The following PDCD2L variants were observed in gnomAD, a reference collection of about 807,000 sequenced individuals.
PDCD2L encodes the protein uS5 assembly chaperone PDCD2L.
PDCD2L carries 44 observed loss-of-function variants against 40.4 expected under a neutral mutation model. That is an observed-to-expected ratio of 1.09 (90% CI 0.86 to 1.40). PDCD2L has a LOEUF of 1.40. Ranked by LOEUF, PDCD2L falls within the 40% of genes most tolerant of loss-of-function variation. The pLI is 0.00. For missense variants in PDCD2L, 470 were observed against 453.7 expected (o/e 1.04, Z -0.33); for synonymous variants, 194 against 174.6 (o/e 1.11, Z -0.88).
At chr19:34,409,765 G>A (rs2075093967) in intron 4 of PDCD2L, among the ~76,000 whole-genome samples, 1 of 152,196 alleles carries the variant, frequency 6.6e-6, no homozygotes, top group Non-Finnish European at 1.5e-5. Flanking sequence ...CGCGTTCACT[G>A]ACTCTTAAAT....
At position 34,409,450 on chromosome 19, in the gene PDCD2L, G is replaced by C; in HGVS notation, c.626G>C (p.Ser209Thr). ...RDFVNLDHAH[S>T]LLRDYQQREG... is the part of the protein sequence containing the mutation. ...TTTGTCAACCTGGATCATGCCCACA[G>C]CCTTCTGAGGGACTATCAGCAGAGA... Residue 209 changes from serine to threonine, a missense_variant, in exon 4 of 7, where the codon AGC becomes ACC. By Grantham distance (58) the Ser-to-Thr change is moderately conservative. Coordinates refer to ENST00000246535, the MANE Select transcript of PDCD2L (RefSeq NM_032346.2). The C allele has an allele frequency of 6.2e-7, 1 of 1,614,192 alleles. No homozygotes were observed. The highest frequency in any genetic ancestry group is 8.5e-7 in the Non-Finnish European group (1 of 1,180,034).
rs772775528 is a variant in PDCD2L, at chr19:34,416,170, C to G, written c.797+2323C>G. The stretch of plus-strand genomic sequence containing the variant: ...TCCCGACTTCTGGTGATCCACCCAC[C>G]TCAGCCTCTGAAAGTGCTGGGATGG... On this transcript the variant is annotated intron_variant, in intron 5 of 6. Coordinates refer to ENST00000246535, the MANE Select transcript of PDCD2L (RefSeq NM_032346.2). Among the ~76,000 whole-genome samples, 8 of 152,312 alleles carry G rather than the reference C, an allele frequency of 5.3e-5. No homozygotes were observed. In the East Asian group the frequency reaches 1.4e-3, roughly 26 times the overall value.
chr19:34,421,752 TATC>T, intron 6 of PDCD2L, 85 bp downstream of exon 6: 1 of 1,459,726 alleles, frequency 6.9e-7, no homozygotes, highest in South Asian at 1.4e-5. Flanking sequence ...ACTTATAAAA[TATC>T]ATAAGCAAAT....
At chr19:34,405,302 A>C (rs1398898146) in intron 3 of PDCD2L, among the ~76,000 whole-genome samples, 1 of 150,794 alleles carries the variant, frequency 6.6e-6, no homozygotes, top group Non-Finnish European at 1.5e-5. Context: ...ATATGCCACC[A>C]CGCCCGGCTA....
intron 5 of PDCD2L, among the ~76,000 whole-genome samples, chr19:34,417,244 A>G (rs1000118141): frequency 6.6e-6 from 1 of 152,258 alleles, no homozygotes; most frequent in Admixed American, 6.5e-5. Context: ...TAAAGTAACT[A>G]TGTATGAATC....
intron 2 of PDCD2L, 33 bp downstream of exon 2, chr19:34,404,848 G>T: frequency 6.2e-7 from 1 of 1,606,246 alleles, no homozygotes; most frequent in Non-Finnish European, 8.5e-7. Context: ...TGCTCCAGGG[G>T]TGTCCTTTCC....
intron 3 of PDCD2L, among the ~76,000 whole-genome samples, chr19:34,405,359 T>C (rs1257151567): frequency 6.6e-6 from 1 of 151,300 alleles, no homozygotes; most frequent in Non-Finnish European, 1.5e-5. Flanking sequence ...GTGGTCAGGC[T>C]GGTCTCGAAC....
intron 4 of PDCD2L, among the ~76,000 whole-genome samples, chr19:34,412,899 C>G (rs188393267): frequency 6.6e-6 from 1 of 151,942 alleles, no homozygotes; most frequent in Non-Finnish European, 1.5e-5. Context: ...CCACCATGCC[C>G]AGCTAATTTT....
chr19:34,425,729 G>A (rs947678317), intron 6 of PDCD2L, among the ~76,000 whole-genome samples: 1 of 152,094 alleles, frequency 6.6e-6, no homozygotes, highest in Non-Finnish European at 1.5e-5. Context: ...CAGATAGCTA[G>A]ACAGTTATAA....
chr19:34,405,873 T>G (rs2075072473), intron 3 of PDCD2L, among the ~76,000 whole-genome samples: 1 of 151,608 alleles, frequency 6.6e-6, no homozygotes, highest in African/African-American at 2.4e-5. Flanking sequence ...GCCACTGCAC[T>G]CCAGCGTGGG....
intron 4 of PDCD2L, among the ~76,000 whole-genome samples, chr19:34,413,023 A>C (rs1429007491): frequency 2.6e-5 from 4 of 151,272 alleles, no homozygotes; most frequent in Non-Finnish European, 5.9e-5. Context: ...TACAGGCGTG[A>C]GCCCACTGCA....
chr19:34,413,088 G>A (rs545124110), intron 4 of PDCD2L, among the ~76,000 whole-genome samples: 1 of 151,712 alleles, frequency 6.6e-6, no homozygotes, highest in East Asian at 2.0e-4. Flanking sequence ...GCCCAGGCTG[G>A]AGTGCAATAG....
At chr19:34,420,151 C>T (rs559384278) in intron 5 of PDCD2L, among the ~76,000 whole-genome samples, 6 of 151,908 alleles carry the variant, frequency 3.9e-5, no homozygotes, top group Admixed American at 2.0e-4. Flanking sequence ...CCACTACGCC[C>T]GGCTAATTTT....
intron 6 of PDCD2L, among the ~76,000 whole-genome samples, chr19:34,422,471 AG>A (rs1199075560): frequency 3.9e-5 from 6 of 152,082 alleles, no homozygotes; most frequent in Admixed American, 3.9e-4. Flanking sequence ...AGTGATTACA[AG>A]CATGAACCAT....
At chr19:34,422,894 A>G (rs1599876455) in intron 6 of PDCD2L, among the ~76,000 whole-genome samples, 1 of 151,042 alleles carries the variant, frequency 6.6e-6, no homozygotes, top group East Asian at 2.0e-4. Flanking sequence ...TTTTTTTTGT[A>G]TTTTTAGTAG....
chr19:34,409,979 G>T (rs2075094673), intron 4 of PDCD2L, among the ~76,000 whole-genome samples: 2 of 152,212 alleles, frequency 1.3e-5, no homozygotes, highest in Admixed American at 1.3e-4. Flanking sequence ...TAAAATGAGA[G>T]TGATGGTGAT....
chr19:34,416,146 C>G (rs1439790539), intron 5 of PDCD2L, among the ~76,000 whole-genome samples: 1 of 152,150 alleles, frequency 6.6e-6, no homozygotes, highest in Non-Finnish European at 1.5e-5. Context: ...GTCTCGAACT[C>G]CCGACTTCTG....
chr19:34,423,299 C>T (rs1257306477), intron 6 of PDCD2L, among the ~76,000 whole-genome samples: 1 of 151,900 alleles, frequency 6.6e-6, no homozygotes, highest in East Asian at 1.9e-4. Context: ...TCTCCTGCCT[C>T]AGCCTCCTGA....
chr19:34,421,415 G>A, intron 5 of PDCD2L, 104 bp from the exon 6 acceptor site: 1 of 1,374,860 alleles, frequency 7.3e-7, no homozygotes, highest in Non-Finnish European at 1.0e-6. Flanking sequence ...TGGGCCTCTG[G>A]GAGATTTCTG....
Sources: gnomAD v4.1 joint callset for allele counts (sites outside exome capture counted in the v4.1 genomes callset) on GRCh38, gnomAD v4.1.1 for gene constraint, MANE v1.5 for transcripts, NCBI Gene and HGNC (gene_info 2026-07-23, HGNC 2026-07-21) for gene names.